EXOC4: variants seen among roughly 807,000 people sequenced by gnomAD.
EXOC4 encodes the protein exocyst complex component 4, also known as SEC8-like 1.
A neutral mutation model predicts 107.2 loss-of-function variants in EXOC4; 71 were observed. The ratio of observed to expected loss-of-function variants is 0.66; its 90% confidence interval spans 0.55 to 0.81. EXOC4 has a LOEUF of 0.81. EXOC4 is among the 30% of genes least tolerant of loss of function. The probability of loss-of-function intolerance (pLI) is 0.00; values close to 1 mark genes in which losing one functional copy is unlikely to be tolerated. For missense variants in EXOC4, 1,108 were observed against 1,189.6 expected (o/e 0.93, Z 1.01); for synonymous variants, 456 against 441.2 (o/e 1.03, Z -0.42).
intron 7 of EXOC4, among the ~76,000 whole-genome samples, chr7:133,466,975 C>T (rs1052699865): frequency 2.0e-5 from 3 of 152,030 alleles, no homozygotes; most frequent in African/African-American, 7.2e-5. Context: ...TGTGAGAAAC[C>T]CGCAACTAGC....
intron 10 of EXOC4, among the ~76,000 whole-genome samples, chr7:133,789,698 T>G (rs935728020): frequency 6.6e-6 from 1 of 152,246 alleles, no homozygotes; most frequent in Non-Finnish European, 1.5e-5. Flanking sequence ...AATCAACCTG[T>G]CTATCCATTT....
In EXOC4 at chr7:133,375,017, C is replaced by T. The variant is rs775492018; in HGVS notation, c.1182+15C>T. The T allele has an allele frequency of 1.9e-6, 3 of 1,604,894 alleles. No individual in the cohort carries two copies. In the South Asian group the frequency reaches 3.3e-5, roughly 18 times the overall value. Reference sequence around the variant, plus strand: ...ATGTTCTACAGGTAAGAGCCTTTTACAAAGGGTGTCATCTTGATTCAGAGT... The same window carrying T: ...ATGTTCTACAGGTAAGAGCCTTTTATAAAGGGTGTCATCTTGATTCAGAGT... On this transcript the variant is annotated intron_variant, in intron 7 of 17. Coordinates refer to ENST00000253861, the MANE Select transcript of EXOC4 (RefSeq NM_021807.4).
intron 10 of EXOC4, among the ~76,000 whole-genome samples, chr7:133,730,240 T>C (rs895828363): frequency 5.3e-5 from 8 of 149,888 alleles, no homozygotes; most frequent in African/African-American, 1.7e-4. Flanking sequence ...AATGAGATGA[T>C]TGGAAACAGG....
intron 11 of EXOC4, among the ~76,000 whole-genome samples, chr7:133,823,847 A>ATATATATATATATATATATAT (rs1797593308): frequency 6.7e-3 from 17 of 2,536 alleles, no homozygotes; most frequent in Admixed American, 0.019. Context: ...TATATATTAT[A>ATATATATATATATATATATAT]TATATATATA....
intron 15 of EXOC4, among the ~76,000 whole-genome samples, chr7:134,001,315 C>T (rs1293584243): frequency 6.6e-6 from 1 of 152,130 alleles, no homozygotes; most frequent in African/African-American, 2.4e-5. Context: ...CCTAAGTGTG[C>T]ACTCTCTGAA....
chr7:133,861,939 G>C (rs745747752), intron 11 of EXOC4, among the ~76,000 whole-genome samples: 1 of 152,164 alleles, frequency 6.6e-6, no homozygotes, highest in Non-Finnish European at 1.5e-5. Context: ...TTCATATCAA[G>C]GTAAGGCATG....
intron 10 of EXOC4, among the ~76,000 whole-genome samples, chr7:133,698,362 G>C (rs900679141): frequency 6.6e-6 from 1 of 152,212 alleles, no homozygotes; most frequent in African/African-American, 2.4e-5. Context: ...CACTTTGGGA[G>C]GCTGAGGCAG....
At chr7:133,547,201 A>G (rs1015189983) in intron 9 of EXOC4, among the ~76,000 whole-genome samples, 3 of 152,232 alleles carry the variant, frequency 2.0e-5, no homozygotes, top group African/African-American at 7.2e-5. Flanking sequence ...TTCTCAGTGC[A>G]TATAAAAGTT....
chr7:133,638,573 G>C (rs139085210), intron 10 of EXOC4, among the ~76,000 whole-genome samples: 1 of 152,092 alleles, frequency 6.6e-6, no homozygotes, highest in Non-Finnish European at 1.5e-5. Flanking sequence ...GTTGTTAGAC[G>C]AATGCCACCC....
At chr7:134,012,410 GA>G in intron 17 of EXOC4, among the ~76,000 whole-genome samples, 1 of 152,306 alleles carries the variant, frequency 6.6e-6, no homozygotes, top group Admixed American at 6.5e-5. Flanking sequence ...GAGCTAACAG[GA>G]TTTGCTGAGG....
At chr7:133,812,002 C>T in intron 10 of EXOC4, among the ~76,000 whole-genome samples, 1 of 152,134 alleles carries the variant, frequency 6.6e-6, no homozygotes, top group South Asian at 2.1e-4. Context: ...CAGCAGTTAG[C>T]AATTTACACT....
chr7:133,767,827 G>A (rs138043066), intron 10 of EXOC4, among the ~76,000 whole-genome samples: 1 of 151,992 alleles, frequency 6.6e-6, no homozygotes. Flanking sequence ...GGTAGGAACT[G>A]TGCTAGGACT....
intron 12 of EXOC4, among the ~76,000 whole-genome samples, chr7:133,915,397 G>A (rs941031624): frequency 6.6e-6 from 1 of 152,226 alleles, no homozygotes; most frequent in Non-Finnish European, 1.5e-5. Flanking sequence ...TAATGAGGAT[G>A]AAGCAGATTT....
At chr7:133,737,661 C>A (rs746777533) in intron 10 of EXOC4, among the ~76,000 whole-genome samples, 1 of 152,014 alleles carries the variant, frequency 6.6e-6, no homozygotes, top group African/African-American at 2.4e-5. Flanking sequence ...ATCCTGCGAC[C>A]TTTGTGTAGC....
At chr7:133,898,745 CAAAAAAAA>C (rs869131471) in intron 12 of EXOC4, among the ~76,000 whole-genome samples, 3 of 64,778 alleles carry the variant, frequency 4.6e-5, no homozygotes, top group Admixed American at 4.2e-4. Context: ...GACTCTGTCT[CAAAAAAAA>C]AAAAAAAAAA....
At chr7:133,961,641 T>C (rs1800948350) in intron 14 of EXOC4, among the ~76,000 whole-genome samples, 2 of 152,166 alleles carry the variant, frequency 1.3e-5, no homozygotes, top group African/African-American at 4.8e-5. Flanking sequence ...ATGGATGTTG[T>C]TTTAAGCCAT....
intron 13 of EXOC4, among the ~76,000 whole-genome samples, chr7:133,928,436 T>C (rs1800100055): frequency 6.6e-6 from 1 of 152,190 alleles, no homozygotes; most frequent in South Asian, 2.1e-4. Context: ...CAAGCTGAAA[T>C]TCCCTGCCAG....
At chr7:134,009,502 A>G (rs1340713130) in intron 17 of EXOC4, among the ~76,000 whole-genome samples, 1 of 152,040 alleles carries the variant, frequency 6.6e-6, no homozygotes, top group Non-Finnish European at 1.5e-5. Flanking sequence ...AAAGTGAGAG[A>G]GAGAGAGAAA....
At chr7:133,710,487 C>T (rs909754977) in intron 10 of EXOC4, among the ~76,000 whole-genome samples, 4 of 151,522 alleles carry the variant, frequency 2.6e-5, no homozygotes, top group African/African-American at 4.8e-5. Context: ...AGTGAAACCC[C>T]GTCTCTACTA....
Sources: allele counts gnomAD v4.1 joint callset (sites outside exome capture counted in the v4.1 genomes callset), GRCh38; gene constraint gnomAD v4.1.1; transcripts MANE v1.5; gene names NCBI Gene and HGNC (gene_info 2026-07-23, HGNC 2026-07-21).